The following DMTF1 variants were observed in gnomAD, a reference collection of about 807,000 sequenced individuals.
DMTF1 encodes cyclin-D-binding Myb-like transcription factor 1.
In DMTF1, 39 loss-of-function variants were observed where a neutral mutation model predicts 91.1. The observed-to-expected ratio is 0.43, with a 90% confidence interval of 0.33 to 0.56. The LOEUF is 0.56. Among genes scored for constraint, DMTF1 ranks in the 20% least tolerant of loss-of-function variants. The pLI, the probability that DMTF1 is intolerant of heterozygous loss-of-function variation, is 0.05. For missense variants in DMTF1, 750 were observed against 914.5 expected (o/e 0.82, Z 2.32); for synonymous variants, 338 against 309.5 (o/e 1.09, Z -0.97).
rs981608681 is a variant in DMTF1, at chr7:87,171,037, C to G, written c.275C>G (p.Thr92Ser). 10 of 1,612,380 alleles carry G rather than the reference C, an allele frequency of 6.2e-6. No homozygotes were observed. The highest frequency in any genetic ancestry group is 7.6e-6 in the Non-Finnish European group (9 of 1,178,792). Reference protein sequence around the residue: ...DQSFEVTMTATTEVADDEVTE... With the variant: ...DQSFEVTMTASTEVADDEVTE... The stretch of plus-strand genomic sequence containing the variant: ...AGCTTTGAAGTGACCATGACTGCAA[C>G]CACAGAAGTAGCAGATGATGAGGTT... Residue 92 changes from threonine to serine, a missense_variant, in exon 5 of 18, where the codon ACC becomes AGC. Thr to Ser is a moderately conservative substitution (Grantham distance 58). Transcript: ENST00000331242.
chr7:87,153,239 TAA>T (rs1040810489), intron 1 of DMTF1, among the ~76,000 whole-genome samples: 2 of 152,076 alleles, frequency 1.3e-5, no homozygotes, highest in African/African-American at 2.4e-5. Flanking sequence ...TGACTCTCTT[TAA>T]AGAAGGGATG....
At chr7:87,182,193 T>G in intron 9 of DMTF1, 35 bp from the exon 10 acceptor site, 1 of 1,613,838 alleles carries the variant, frequency 6.2e-7, no homozygotes, top group Non-Finnish European at 8.5e-7. Context: ...AGAAAACAAT[T>G]GAACCAAATG....
At position 87,174,673 on chromosome 7, in the gene DMTF1, T is replaced by A; in HGVS notation, c.519+4T>A. On this transcript the variant is annotated splice_donor_region_variant and intron_variant, in intron 7 of 17. Transcript: ENST00000331242. ...CAATATTGAACGCTATCTTAAGGTA[T>A]CTTATGGCATATTTTTATGTTTCAC... The A allele has an allele frequency of 1.3e-6, 2 of 1,589,532 alleles. No individual in the cohort carries two copies. Among genetic ancestry groups the A allele is most frequent in the South Asian group, 1.1e-5 (1 of 87,758 alleles).
chr7:87,169,819 A>T (rs943060857), intron 4 of DMTF1, among the ~76,000 whole-genome samples: 63 of 152,244 alleles, frequency 4.1e-4, no homozygotes, highest in Middle Eastern at 3.4e-3. Context: ...TCCACTGCTG[A>T]CTTTTCCATG....
rs910967409 is a variant in DMTF1 at position 87,152,485 on chromosome 7, C to A, written c.-202C>A. 6.5e-6 allele frequency: 1 copy of A among 153,282 alleles called. No individual in the cohort carries two copies. Among genetic ancestry groups the A allele is most frequent in the Non-Finnish European group, 1.5e-5 (1 of 68,128 alleles). The allele number at this position is 153,282 out of a possible 1,614,324, so 9.5% of individuals were successfully genotyped here. A position where few individuals can be genotyped will look rare whatever the true frequency, so the allele number is the denominator to read the frequency against. On this transcript the variant is annotated 5_prime_UTR_variant, in exon 1 of 18. Coordinates refer to ENST00000331242, the MANE Select transcript of DMTF1 (RefSeq NM_001142327.2). Reference sequence around the variant, plus strand: ...CTGCAGCCACTCTCGCCCGTGGCTGCTTCCTCCATCCTGGTATTTTTTGGA... The same window carrying A: ...CTGCAGCCACTCTCGCCCGTGGCTGATTCCTCCATCCTGGTATTTTTTGGA...
In DMTF1 at chr7:87,191,002, C is replaced by A; in HGVS notation, c.1469C>A (p.Thr490Lys). The change falls in exon 14 of 18, where the codon ACA becomes AAA. Residue 490 changes from threonine (T) to lysine (K), a missense_variant. Transcript: ENST00000331242. ...DSETITLNSGTLQTFEILPSF... is the reference protein window; with the variant it reads ...DSETITLNSGKLQTFEILPSF... ...GAAACAATAACACTAAACAGTGGAA[C>A]ACTACAGACATTTGAGATTCTTCCC... is the stretch of plus-strand genomic sequence containing the variant. 1.2e-6 allele frequency: 2 copies of A among 1,607,502 alleles called. No individual in the cohort carries two copies. Among genetic ancestry groups the A allele is most frequent in the Non-Finnish European group, 1.7e-6 (2 of 1,176,026 alleles).
intron 7 of DMTF1, among the ~76,000 whole-genome samples, chr7:87,179,186 C>T (rs1312564682): frequency 6.6e-6 from 1 of 151,850 alleles, no homozygotes; most frequent in Non-Finnish European, 1.5e-5. Flanking sequence ...TTCAAAGAAC[C>T]AATTTCTAGA....
At chr7:87,191,833 A>G (rs1349104967) in intron 14 of DMTF1, among the ~76,000 whole-genome samples, 2 of 152,166 alleles carry the variant, frequency 1.3e-5, no homozygotes, top group Non-Finnish European at 2.9e-5. Flanking sequence ...GTAAACCTAT[A>G]ATTCATATTT....
intron 6 of DMTF1, 125 bp from the exon 7 acceptor site, chr7:87,174,468 G>T: frequency 1.6e-6 from 1 of 638,822 alleles, no homozygotes. Flanking sequence ...AGATTTCAGA[G>T]GAATGAGAAA....
chr7:87,175,061 C>G (rs1263545791), intron 7 of DMTF1, among the ~76,000 whole-genome samples: 1 of 150,644 alleles, frequency 6.6e-6, no homozygotes, highest in African/African-American at 2.4e-5. Flanking sequence ...CTCTGTTGCC[C>G]AGGCTGGAGT....
chr7:87,196,150 A>G lies in DMTF1; in HGVS notation c.*1010A>G, dbSNP rs73208513. On this transcript the variant is annotated 3_prime_UTR_variant, in exon 18 of 18. Transcript: ENST00000331242. The stretch of plus-strand genomic sequence containing the variant: ...ATATGACCCCTATAGAAAAGTCAAG[A>G]AAAAAAAACCCTTGTATAAATTATT... The G allele has an allele frequency of 0.037, 5,626 of 152,520 alleles. 122 individuals carry two copies. Among genetic ancestry groups the G allele is most frequent in the East Asian group, 0.064 (333 of 5,186 alleles). The allele number at this position is 152,520 out of a possible 1,614,324, so 9.4% of individuals were successfully genotyped here. A position where few individuals can be genotyped will look rare whatever the true frequency, so the allele number is the denominator to read the frequency against.
At chr7:87,178,899 A>G (rs1796797102) in intron 7 of DMTF1, among the ~76,000 whole-genome samples, 1 of 151,802 alleles carries the variant, frequency 6.6e-6, no homozygotes, top group Admixed American at 6.6e-5. Context: ...ATTATTTAAT[A>G]ACTGATTCGA....
At chr7:87,183,800 G>A (rs1797863862) in intron 10 of DMTF1, among the ~76,000 whole-genome samples, 1 of 152,106 alleles carries the variant, frequency 6.6e-6, no homozygotes, top group African/African-American at 2.4e-5. Context: ...TGGGTTTATG[G>A]GTTGAGAAAA....
At chr7:87,167,737 TTAA>T (rs1794154152) in intron 4 of DMTF1, among the ~76,000 whole-genome samples, 1 of 152,246 alleles carries the variant, frequency 6.6e-6, no homozygotes, top group Admixed American at 6.5e-5. Flanking sequence ...ACATTTCTAA[TTAA>T]ATATTCGTTC....
rs778433195 is a variant in DMTF1 at position 87,173,662 on chromosome 7, T to TAAAAAG, written c.442+13_442+14insAAAAAG. On this transcript the variant is annotated intron_variant, in intron 6 of 17. Coordinates refer to ENST00000331242, the MANE Select transcript of DMTF1 (RefSeq NM_001142327.2). ...CTGACTAATAAAGGTAAGATAACACTGTGAATTTTAGTGCCTAGTGAAAAA... is the reference window on the plus strand; with the variant it reads ...CTGACTAATAAAGGTAAGATAACACTAAAAAGGTGAATTTTAGTGCCTAGTGAAAAA... The TAAAAAG allele has an allele frequency of 2.6e-6, 4 of 1,559,610 alleles. No individual in the cohort carries two copies. In the East Asian group the frequency reaches 9.1e-5, roughly 35 times the overall value.
Position 87,195,852 on chromosome 7 carries a change from T to A in DMTF1, c.*712T>A, listed in dbSNP as rs1801119816. The stretch of plus-strand genomic sequence containing the variant: ...AACCACTGTCATTAGTTTACAAAGT[T>A]AGCACTTTGAAGTAAAACTAAATGA... On this transcript the variant is annotated 3_prime_UTR_variant, in exon 18 of 18. Coordinates refer to ENST00000331242, the MANE Select transcript of DMTF1 (RefSeq NM_001142327.2). 1.3e-5 allele frequency: 2 copies of A among 152,530 alleles called. No individual in the cohort carries two copies. Among genetic ancestry groups the A allele is most frequent in the Non-Finnish European group, 2.9e-5 (2 of 68,006 alleles). The allele number at this position is 152,530 out of a possible 1,614,324, so 9.4% of individuals were successfully genotyped here.
chr7:87,189,458 AATTG>A (rs1475154602), intron 13 of DMTF1, among the ~76,000 whole-genome samples: 2 of 152,124 alleles, frequency 1.3e-5, no homozygotes, highest in South Asian at 4.1e-4. Context: ...ATTGGTTATA[AATTG>A]ATTGGGCATG....
At chr7:87,194,478 C>G (rs1413139762) in intron 16 of DMTF1, 2 of 476,402 alleles carry the variant, frequency 4.2e-6, no homozygotes, top group East Asian at 6.2e-5. Flanking sequence ...TGACCTATAA[C>G]TGACCTAGTC....
At chr7:87,161,144 A>G (rs1312432119) in intron 1 of DMTF1, among the ~76,000 whole-genome samples, 2 of 152,046 alleles carry the variant, frequency 1.3e-5, no homozygotes, top group Admixed American at 1.3e-4. Context: ...TTAAATATTA[A>G]TAAATGTACT....
Sources: allele counts gnomAD v4.1 joint callset (sites outside exome capture counted in the v4.1 genomes callset), GRCh38; gene constraint gnomAD v4.1.1; transcripts MANE v1.5; gene names NCBI Gene and HGNC (gene_info 2026-07-23, HGNC 2026-07-21).